The following UBR4 variants were observed in gnomAD, a reference collection of about 807,000 sequenced individuals.
UBR4 encodes E3 ubiquitin-protein ligase UBR4.
A neutral mutation model predicts 575.6 loss-of-function variants in UBR4; 124 were observed. The ratio of observed to expected loss-of-function variants is 0.22; its 90% CI spans 0.19 to 0.25. UBR4 has a LOEUF of 0.25. UBR4 is among the 10% of genes least tolerant of loss of function. UBR4 has a pLI of 1.00. For missense variants in UBR4, 4,818 were observed against 6,478.8 expected, an observed-to-expected ratio of 0.74 and a Z score of 8.80; for synonymous variants, 2,455 against 2,473.7, an observed-to-expected ratio of 0.99 and a Z score of 0.22.
chr1:19,093,230 C>A lies in UBR4; in HGVS notation c.14111+83G>T, dbSNP rs1224380255. 1 of 1,537,986 alleles carries A rather than the reference C, an allele frequency of 6.5e-7. No homozygotes were observed. The highest frequency in any genetic ancestry group is 8.8e-7 in the Non-Finnish European group (1 of 1,133,616). On this transcript the variant is annotated intron_variant, in intron 96 of 105. Transcript: ENST00000375254. The surrounding 1 kb of genome is among the most constrained non-coding windows in gnomAD (Gnocchi z 4.8). ...AGGAGGGCAAGGGGCACACGTGAAG[C>A]TTTATGCCAAGATGCTGATGGAGAA...
At chr1:19,126,367 G>A in intron 64 of UBR4, 79 bp downstream of exon 64, 1 of 1,558,122 alleles carries the variant, frequency 6.4e-7, no homozygotes, top group African/African-American at 1.4e-5. Flanking sequence ...TCAGCCCCTT[G>A]AGCTCTCTGC....
intron 94 of UBR4, 49 bp downstream of exon 94, chr1:19,094,857 C>T (rs760651766): frequency 3.1e-6 from 5 of 1,603,896 alleles, no homozygotes; most frequent in African/African-American, 1.3e-5. Flanking sequence ...GGCAATGAGA[C>T]AGTGCAGGCT....
chr1:19,100,590 AG>A lies in UBR4; in HGVS notation c.13024-18del. On this transcript the variant is annotated intron_variant, in intron 88 of 105. Transcript: ENST00000375254. The surrounding 1 kb of genome is among the most constrained non-coding windows in gnomAD (Gnocchi z 4.2). ...ATTCTCCTCCTGGAGGACAGACAGA[AG>A]GGTGCATCAGAAGGGATGGCAGAGG... 6.2e-7 allele frequency: 1 copy of A among 1,613,366 alleles called. No homozygotes were observed.
intron 81 of UBR4, among the ~76,000 whole-genome samples, chr1:19,108,330 TGAGGAAAAA>T (rs1240570453): frequency 1.3e-5 from 2 of 152,184 alleles, no homozygotes; most frequent in Non-Finnish European, 2.9e-5. Context: ...TCATTCATTT[TGAGGAAAAA>T]TCTGCCAAAT....
chr1:19,194,216 C>T (rs921054734), intron 8 of UBR4, among the ~76,000 whole-genome samples: 4 of 152,196 alleles, frequency 2.6e-5, no homozygotes, highest in Non-Finnish European at 5.9e-5. Flanking sequence ...TATATCAATA[C>T]TGGTTCATCA....
chr1:19,165,807 T>C, intron 29 of UBR4, 50 bp from the exon 30 acceptor site: 1 of 1,455,644 alleles, frequency 6.9e-7, no homozygotes, highest in Non-Finnish European at 9.5e-7. Context: ...CCTGTTTCAA[T>C]GTCCTCCTTA....
intron 71 of UBR4, chr1:19,118,363 C>T (rs1158712896): frequency 6.5e-6 from 1 of 153,222 alleles, no homozygotes; most frequent in Non-Finnish European, 1.4e-5. Context: ...AAAAGGAAGA[C>T]ATTTTCTTTA....
chr1:19,112,928 T>C (rs1201733126), intron 77 of UBR4, 61 bp from the exon 78 acceptor site: 26 of 1,491,442 alleles, frequency 1.7e-5, no homozygotes, highest in Non-Finnish European at 2.1e-5. Context: ...AGGATGTTAA[T>C]TAGAAAATTA....
At chr1:19,113,125 G>A in intron 77 of UBR4, 1 of 447,614 alleles carries the variant, frequency 2.2e-6, no homozygotes, top group Non-Finnish European at 3.9e-6. Context: ...TAACTCCCAT[G>A]TAACAAAGAC....
At chr1:19,170,485 A>G (rs2089346517) in intron 26 of UBR4, among the ~76,000 whole-genome samples, 1 of 152,234 alleles carries the variant, frequency 6.6e-6, no homozygotes, top group Admixed American at 6.5e-5. Context: ...TGGAACCAAC[A>G]GATCCTGGTT....
At chr1:19,187,076 TTATATATATA>T (rs59833909) in intron 13 of UBR4, 78 bp downstream of exon 13, 5 of 733,332 alleles carry the variant, frequency 6.8e-6, no homozygotes, top group African/African-American at 2.0e-5. Context: ...CAAGAAAGTT[TTATATATATA>T]TATATATATA....
rs755206025 is a variant in UBR4, at chr1:19,144,853, T to C, written c.8000A>G (p.Tyr2667Cys). Residue 2667 changes from tyrosine to cysteine, a missense_variant, in exon 54 of 106, where the codon TAC (tyrosine) becomes TGC (cysteine). This residue lies in a region of UBR4 where 340 missense variants were observed against 375.4 expected (regional missense o/e 0.91). Coordinates refer to ENST00000375254, the MANE Select transcript of UBR4 (RefSeq NM_020765.3). ...VNALVDIIHGYCTCELDCINT... is the reference protein window; with the variant it reads ...VNALVDIIHGCCTCELDCINT... ...AATACAATCCAGCTCACAGGTACAGTAGCCATGGATGATGTCCACCAGAGC... is the reference window on the plus strand; with the variant it reads ...AATACAATCCAGCTCACAGGTACAGCAGCCATGGATGATGTCCACCAGAGC... The C allele has an allele frequency of 3.1e-6, 5 of 1,614,122 alleles. No individual in the cohort carries two copies. The highest frequency in any genetic ancestry group is 1.7e-5 in the Admixed American group (1 of 60,018).
At chr1:19,095,430 G>T in intron 93 of UBR4, 115 bp downstream of exon 93, 1 of 1,016,438 alleles carries the variant, frequency 9.8e-7, no homozygotes, top group Admixed American at 2.0e-5. Flanking sequence ...CAGCCAGAGA[G>T]ATGAAGGGCT....
chr1:19,092,132 G>A (rs768093395), intron 97 of UBR4, among the ~76,000 whole-genome samples: 1 of 152,094 alleles, frequency 6.6e-6, no homozygotes, highest in East Asian at 1.9e-4. Context: ...GCTACAAAAG[G>A]CCAACAAGAG....
chr1:19,075,884 T>C (rs79696656), intron 105 of UBR4, among the ~76,000 whole-genome samples: 2,601 of 152,178 alleles, frequency 0.017, 53 homozygotes, highest in East Asian at 0.088. Flanking sequence ...TTTACAAAAT[T>C]CCCACAACGA....
rs1233861799 is a variant in UBR4, at chr1:19,151,795, A to G, written c.7061T>C (p.Ile2354Thr). 1 of 1,614,010 alleles carries G rather than the reference A, an allele frequency of 6.2e-7. No individual in the cohort carries two copies. The highest frequency in any genetic ancestry group is 8.5e-7 in the Non-Finnish European group (1 of 1,180,022). The change falls in exon 48 of 106, where the codon ATC (isoleucine) becomes ACC (threonine). Residue 2354 changes from isoleucine to threonine, a missense_variant. Ile to Thr is a moderately conservative substitution (Grantham distance 89). This residue lies in a region of UBR4 where 461 missense variants were observed against 606.9 expected (regional missense o/e 0.76). Coordinates refer to ENST00000375254, the MANE Select transcript of UBR4 (RefSeq NM_020765.3). ...NSTMVMTGMR[I>T]QIGTQAIERA... The stretch of plus-strand genomic sequence containing the variant: ...TTCTATTGCTTGAGTCCCAATCTGG[A>G]TCCGCATGCCTGTCATCACCATAGT...
chr1:19,192,414 T>G, intron 10 of UBR4, 36 bp from the exon 11 acceptor site: 1 of 1,614,090 alleles, frequency 6.2e-7, no homozygotes, highest in South Asian at 1.1e-5. Context: ...AACATAATCA[T>G]AGAGATATTT....
chr1:19,206,318 C>A (rs1285978146), intron 1 of UBR4, among the ~76,000 whole-genome samples: 1 of 151,846 alleles, frequency 6.6e-6, no homozygotes, highest in Non-Finnish European at 1.5e-5. Context: ...GCCCAGCCAA[C>A]AGAAGGAGAC....
chr1:19,181,352 A>T (rs1428960194), intron 17 of UBR4, among the ~76,000 whole-genome samples: 3 of 152,074 alleles, frequency 2.0e-5, no homozygotes, highest in Non-Finnish European at 2.9e-5. Flanking sequence ...ATACAGTAAC[A>T]TCCCCACCTC....
Sources: allele counts gnomAD v4.1 joint callset (sites outside exome capture counted in the v4.1 genomes callset), GRCh38; gene constraint gnomAD v4.1.1; regional missense constraint gnomAD v4.1.1; non-coding constraint Gnocchi (gnomAD v3.1); transcripts MANE v1.5; gene names NCBI Gene and HGNC (gene_info 2026-07-23, HGNC 2026-07-21).